Variants in GRM7 observed in about 807,000 individuals in gnomAD.
GRM7 encodes metabotropic glutamate receptor 7.
A neutral mutation model predicts 84.5 loss-of-function variants in GRM7; 35 were observed. That is an observed-to-expected ratio of 0.41 (90% CI 0.32 to 0.55). The LOEUF is 0.55. GRM7 is among the 20% of genes least tolerant of loss of function. GRM7 has a pLI of 0.19. For synonymous variants in GRM7, 487 were observed against 455.1 expected (o/e 1.07, Z -0.89); for missense variants, 1,003 against 1,194.6 (o/e 0.84, Z 2.36).
At chr3:7,617,801 A>G (rs1387359639) in intron 8 of GRM7, among the ~76,000 whole-genome samples, 2 of 152,152 alleles carry the variant, frequency 1.3e-5, no homozygotes, top group Non-Finnish European at 2.9e-5. Flanking sequence ...CCAACAAACT[A>G]TTCCAAATGT....
intron 7 of GRM7, among the ~76,000 whole-genome samples, chr3:7,527,150 A>G (rs1161098247): frequency 1.3e-5 from 2 of 152,034 alleles, no homozygotes; most frequent in East Asian, 1.9e-4. Context: ...CATTCTTCCA[A>G]TCCATAAAAG....
chr3:7,214,798 T>A (rs1273951011), intron 2 of GRM7, among the ~76,000 whole-genome samples: 1 of 151,706 alleles, frequency 6.6e-6, no homozygotes, highest in Non-Finnish European at 1.5e-5. Context: ...CTTGGGTTTG[T>A]TTTTTTTGTT....
chr3:7,175,436 T>A (rs1200453720), intron 2 of GRM7, among the ~76,000 whole-genome samples: 1 of 152,254 alleles, frequency 6.6e-6, no homozygotes, highest in African/African-American at 2.4e-5. Flanking sequence ...GTGGAAGAGA[T>A]TATTGTGTCA....
chr3:7,101,841 A>G (rs1699119527), intron 1 of GRM7, among the ~76,000 whole-genome samples: 1 of 148,986 alleles, frequency 6.7e-6, no homozygotes, highest in Non-Finnish European at 1.5e-5. Flanking sequence ...ATAAAGGTAT[A>G]TGTATATATA....
At chr3:6,993,941 G>T (rs1694737687) in intron 1 of GRM7, among the ~76,000 whole-genome samples, 1 of 152,162 alleles carries the variant, frequency 6.6e-6, no homozygotes, top group Non-Finnish European at 1.5e-5. Context: ...TGGAGCACAG[G>T]CTGAAGTTGT....
At chr3:7,208,902 G>T (rs944001236) in intron 2 of GRM7, among the ~76,000 whole-genome samples, 5 of 152,150 alleles carry the variant, frequency 3.3e-5, no homozygotes, top group African/African-American at 1.2e-4. Flanking sequence ...GAGCATAGTT[G>T]AATGTACCTT....
At chr3:7,028,294 A>G (rs1187038086) in intron 1 of GRM7, among the ~76,000 whole-genome samples, 1 of 152,224 alleles carries the variant, frequency 6.6e-6, no homozygotes, top group East Asian at 1.9e-4. Context: ...CATCTTGTAA[A>G]TAAATACCTC....
intron 2 of GRM7, among the ~76,000 whole-genome samples, chr3:7,221,608 T>C (rs959187903): frequency 6.6e-6 from 1 of 151,854 alleles, no homozygotes; most frequent in Non-Finnish European, 1.5e-5. Context: ...AATCTAATAT[T>C]GTATAGTTTC....
intron 8 of GRM7, among the ~76,000 whole-genome samples, chr3:7,646,555 C>A (rs1379131092): frequency 6.6e-6 from 1 of 152,138 alleles, no homozygotes; most frequent in South Asian, 2.1e-4. Flanking sequence ...TACTGAACTT[C>A]TTGATGGTCC....
At chr3:6,941,764 G>A (rs1299181424) in intron 1 of GRM7, among the ~76,000 whole-genome samples, 4 of 151,988 alleles carry the variant, frequency 2.6e-5, no homozygotes, top group Non-Finnish European at 5.9e-5. Flanking sequence ...ATTCATTTAA[G>A]TATCAATTCA....
intron 4 of GRM7, among the ~76,000 whole-genome samples, chr3:7,306,874 A>C (rs1333849382): frequency 6.6e-6 from 1 of 152,188 alleles, no homozygotes; most frequent in East Asian, 1.9e-4. Flanking sequence ...TATCACGATT[A>C]GCAAAAACAT....
intron 1 of GRM7, among the ~76,000 whole-genome samples, chr3:6,871,841 T>C (rs1303147054): frequency 6.6e-6 from 1 of 152,122 alleles, no homozygotes; most frequent in Non-Finnish European, 1.5e-5. Context: ...AAATATAGCT[T>C]CTGAAGAACG....
chr3:7,350,254 G>C (rs559572545), intron 4 of GRM7, among the ~76,000 whole-genome samples: 9 of 152,194 alleles, frequency 5.9e-5, no homozygotes, highest in Admixed American at 3.3e-4. Context: ...GTTTGGATCT[G>C]TGTCCCCACC....
At chr3:6,992,177 C>T (rs1005812177) in intron 1 of GRM7, among the ~76,000 whole-genome samples, 9 of 152,070 alleles carry the variant, frequency 5.9e-5, no homozygotes, top group Non-Finnish European at 1.2e-4. Context: ...CTTAGTATTC[C>T]TTTCTGGGCC....
intron 4 of GRM7, among the ~76,000 whole-genome samples, chr3:7,342,239 C>T (rs1159133777): frequency 2.0e-5 from 3 of 152,262 alleles, no homozygotes; most frequent in African/African-American, 7.2e-5. Flanking sequence ...AAAACTATGA[C>T]TTTTATTCAG....
At chr3:7,643,001 CA>C (rs1469942411) in intron 8 of GRM7, among the ~76,000 whole-genome samples, 1 of 152,110 alleles carries the variant, frequency 6.6e-6, no homozygotes, top group African/African-American at 2.4e-5. Context: ...GTAAGAGAAT[CA>C]AGGAGATTCC....
chr3:7,285,054 A>G (rs1575119897), intron 2 of GRM7, among the ~76,000 whole-genome samples: 1 of 152,044 alleles, frequency 6.6e-6, no homozygotes, highest in East Asian at 1.9e-4. Flanking sequence ...TATCATTGTA[A>G]ATTTTATTTT....
intron 2 of GRM7, among the ~76,000 whole-genome samples, chr3:7,267,339 A>G (rs1240540720): frequency 6.6e-6 from 1 of 152,216 alleles, no homozygotes; most frequent in African/African-American, 2.4e-5. Flanking sequence ...AAGAAAAAGC[A>G]TTTTTCCTAG....
At chr3:7,572,687 G>A (rs1478073281) in intron 7 of GRM7, among the ~76,000 whole-genome samples, 2 of 150,174 alleles carry the variant, frequency 1.3e-5, no homozygotes, top group Non-Finnish European at 3.0e-5. Flanking sequence ...CCAGGCATGG[G>A]GGCGGGTGCC....
Sources: gnomAD v4.1 joint callset for allele counts (sites outside exome capture counted in the v4.1 genomes callset) on GRCh38, gnomAD v4.1.1 for gene constraint, MANE v1.5 for transcripts, NCBI Gene and HGNC (gene_info 2026-07-23, HGNC 2026-07-21) for gene names.